The following HTR1E variants were observed in gnomAD, a reference collection of about 807,000 sequenced individuals.
HTR1E encodes the protein 5-HT-1E.
In HTR1E, 3 loss-of-function variants were observed where a neutral mutation model predicts 3.4. The ratio of observed to expected loss-of-function variants is 0.89; its 90% CI spans 0.41 to 2.31. HTR1E has a LOEUF of 2.31. Ranked by LOEUF, HTR1E falls within the 30% of genes most tolerant of loss-of-function variation. The pLI is 0.05. For missense variants in HTR1E, 392 were observed against 467.0 expected (o/e 0.84, Z 1.48); for synonymous variants, 170 against 182.8 (o/e 0.93, Z 0.56).
chr6:86,969,274 T>C (rs766020262), intron 1 of HTR1E, among the ~76,000 whole-genome samples: 5 of 151,844 alleles, frequency 3.3e-5, no homozygotes, highest in African/African-American at 7.3e-5. Context: ...AGAGAGCAAA[T>C]AGGAACAGAG....
At chr6:86,961,349 T>C (rs1767404087) in intron 1 of HTR1E, among the ~76,000 whole-genome samples, 1 of 152,182 alleles carries the variant, frequency 6.6e-6, no homozygotes, top group African/African-American at 2.4e-5. Flanking sequence ...TAATGTCAGG[T>C]TCGTAAGAAA....
Position 87,015,272 on chromosome 6 carries a change from A to T in HTR1E, c.-63A>T. 1 of 1,415,768 alleles carries T rather than the reference A, an allele frequency of 7.1e-7. No homozygotes were observed. The highest frequency in any genetic ancestry group is 9.4e-7 in the Non-Finnish European group (1 of 1,063,380). 87.7% of individuals were successfully genotyped at this position (1,415,768 alleles called of 1,614,324 possible). ...AAGTGAGAAACCTTCGAGGCTACAT[A>T]GTTTTCAGCCAAAGGAAAATAACCA... On this transcript the variant is annotated 5_prime_UTR_variant, in exon 2 of 2. Transcript: ENST00000305344.
intron 1 of HTR1E, among the ~76,000 whole-genome samples, chr6:86,945,398 T>C (rs1051844522): frequency 6.6e-6 from 1 of 152,024 alleles, no homozygotes; most frequent in African/African-American, 2.4e-5. Context: ...CTCACCACCA[T>C]GCCCAGCTAA....
chr6:86,987,351 C>T (rs960761196), intron 1 of HTR1E, among the ~76,000 whole-genome samples: 2 of 152,234 alleles, frequency 1.3e-5, no homozygotes, highest in Middle Eastern at 3.4e-3. Context: ...AAACTTGCCA[C>T]AAGTTAGCAG....
At chr6:86,976,657 GCAT>G (rs2127824373) in intron 1 of HTR1E, among the ~76,000 whole-genome samples, 1 of 152,292 alleles carries the variant, frequency 6.6e-6, no homozygotes, top group South Asian at 2.1e-4. Context: ...TGCACTATTA[GCAT>G]CACATCTGAT....
intron 1 of HTR1E, among the ~76,000 whole-genome samples, chr6:86,951,149 C>T (rs1017581163): frequency 2.0e-5 from 3 of 152,142 alleles, no homozygotes; most frequent in Non-Finnish European, 2.9e-5. Flanking sequence ...ATGCTGATAA[C>T]ACAAACAAGA....
chr6:86,938,833 T>C lies in HTR1E; in HGVS notation c.-186+1010T>C, dbSNP rs150547606. 9.5e-4 allele frequency among the ~76,000 whole-genome samples: 145 copies of C among 152,308 alleles called. 1 individual carries two copies. Among genetic ancestry groups the C allele is most frequent in the African/African-American group, 3.3e-3 (139 of 41,568 alleles). On this transcript the variant is annotated intron_variant, in intron 1 of 1. Transcript: ENST00000305344. The stretch of plus-strand genomic sequence containing the variant: ...TCATTCTTATGTTTTCCCTCAAAGC[T>C]CTAAGCAGTACATCGTCCTAAGCTG...
At chr6:86,972,102 TTACC>T (rs2127823179) in intron 1 of HTR1E, among the ~76,000 whole-genome samples, 1 of 152,336 alleles carries the variant, frequency 6.6e-6, no homozygotes, top group Non-Finnish European at 1.5e-5. Context: ...AAAAGCAATC[TTACC>T]TACTTTAGTT....
chr6:86,950,728 A>G (rs184593518), intron 1 of HTR1E, among the ~76,000 whole-genome samples: 285 of 152,292 alleles, frequency 1.9e-3, no homozygotes, highest in Middle Eastern at 3.4e-3. Context: ...AACCCTAAGA[A>G]GGCTATCAAA....
intron 1 of HTR1E, among the ~76,000 whole-genome samples, chr6:86,941,016 G>A (rs146633455): frequency 1.8e-4 from 28 of 152,308 alleles, no homozygotes; most frequent in Non-Finnish European, 3.2e-4. Flanking sequence ...CACAAGTGAC[G>A]AGGGGACAGA....
At chr6:86,963,577 G>GT (rs1330348775) in intron 1 of HTR1E, among the ~76,000 whole-genome samples, 1 of 152,132 alleles carries the variant, frequency 6.6e-6, no homozygotes, top group African/African-American at 2.4e-5. Flanking sequence ...GTAACTTTCA[G>GT]TCCCACAAGC....
Position 86,990,398 on chromosome 6 carries a change from A to G in HTR1E, c.-185-24752A>G, listed in dbSNP as rs1044539830. ...CTGTATTGACTAAAACCTTATCTGT[A>G]TTTCACAAGACAGATCATTTTTCCC... On this transcript the variant is annotated intron_variant, in intron 1 of 1. Coordinates refer to ENST00000305344, the MANE Select transcript of HTR1E (RefSeq NM_000865.3). Among the ~76,000 whole-genome samples, 3 of 152,154 alleles carry G rather than the reference A, an allele frequency of 2.0e-5. No homozygotes were observed. In the South Asian group the frequency reaches 6.2e-4, roughly 32 times the overall value.
chr6:86,975,918 GACACACACACACACACAC>G (rs57513474), intron 1 of HTR1E, among the ~76,000 whole-genome samples: 1 of 144,250 alleles, frequency 6.9e-6, no homozygotes, highest in South Asian at 2.2e-4. Flanking sequence ...CTCTCTCTGA[GACACACACACACACACAC>G]ACACACACAC....
At chr6:86,970,129 G>A (rs1159285723) in intron 1 of HTR1E, among the ~76,000 whole-genome samples, 1 of 152,268 alleles carries the variant, frequency 6.6e-6, no homozygotes, top group African/African-American at 2.4e-5. Flanking sequence ...AGCTCCTGAA[G>A]GTTGTTTCTT....
chr6:86,955,531 G>A (rs1257193545), intron 1 of HTR1E, among the ~76,000 whole-genome samples: 1 of 152,182 alleles, frequency 6.6e-6, no homozygotes, highest in African/African-American at 2.4e-5. Context: ...ATGAGACCCT[G>A]TGCAAAGGAC....
At chr6:86,972,290 TC>T (rs1340885340) in intron 1 of HTR1E, among the ~76,000 whole-genome samples, 1 of 152,174 alleles carries the variant, frequency 6.6e-6, no homozygotes, top group Non-Finnish European at 1.5e-5. Context: ...CATTTTTTCA[TC>T]CCTTACATTC....
chr6:86,976,917 A>G (rs572085111), intron 1 of HTR1E, among the ~76,000 whole-genome samples: 1 of 152,352 alleles, frequency 6.6e-6, no homozygotes, highest in African/African-American at 2.4e-5. Context: ...TTTGAAACAC[A>G]ATAAAACTTA....
At chr6:86,976,576 T>C (rs1767642532) in intron 1 of HTR1E, among the ~76,000 whole-genome samples, 1 of 152,216 alleles carries the variant, frequency 6.6e-6, no homozygotes, top group African/African-American at 2.4e-5. Context: ...ATCTCCAAGA[T>C]GGTGAAAGAG....
chr6:86,998,131 C>G (rs564555701), intron 1 of HTR1E, among the ~76,000 whole-genome samples: 1 of 151,770 alleles, frequency 6.6e-6, no homozygotes, highest in East Asian at 1.9e-4. Context: ...ATTGACATAC[C>G]CACAATTATA....
Sources: gnomAD v4.1 joint callset for allele counts (sites outside exome capture counted in the v4.1 genomes callset) on GRCh38, gnomAD v4.1.1 for gene constraint, MANE v1.5 for transcripts, NCBI Gene and HGNC (gene_info 2026-07-23, HGNC 2026-07-21) for gene names.